CSMD1: variants seen among roughly 807,000 people sequenced by gnomAD.
The protein encoded by CSMD1 is CUB and sushi domain-containing protein 1.
In CSMD1, 213 loss-of-function variants were observed where a neutral mutation model predicts 417.5. The observed-to-expected ratio is 0.51, with a 90% CI of 0.46 to 0.57. The LOEUF (loss-of-function observed/expected upper bound fraction) is 0.57, where lower values mean the gene tolerates loss of function less well. CSMD1 is among the 20% of genes least tolerant of loss of function. The pLI is 0.00. For missense variants in CSMD1, 6,923 were observed against 4,529.7 expected, an observed-to-expected ratio of 1.53 and a Z score of -15.17; for synonymous variants, 2,862 against 1,736.8, an observed-to-expected ratio of 1.65 and a Z score of -16.11.
At chr8:3,254,186 A>T (rs1263669112) in intron 26 of CSMD1, among the ~76,000 whole-genome samples, 1 of 152,178 alleles carries the variant, frequency 6.6e-6, no homozygotes, top group African/African-American at 2.4e-5. Flanking sequence ...TTTCTTTAAG[A>T]ATGTGGAATA....
intron 1 of CSMD1, among the ~76,000 whole-genome samples, chr8:4,792,752 T>A (rs901005645): frequency 1.3e-5 from 2 of 152,146 alleles, no homozygotes; most frequent in South Asian, 2.1e-4. Context: ...CGATGCCCAT[T>A]ACTACGGGGT....
At chr8:4,030,905 A>G (rs1236257452) in intron 4 of CSMD1, among the ~76,000 whole-genome samples, 3 of 152,080 alleles carry the variant, frequency 2.0e-5, no homozygotes, top group African/African-American at 4.8e-5. Flanking sequence ...AAGTTCCACA[A>G]CTCTCTAGGG....
At chr8:4,852,783 T>C (rs1801555728) in intron 1 of CSMD1, among the ~76,000 whole-genome samples, 1 of 152,114 alleles carries the variant, frequency 6.6e-6, no homozygotes, top group Admixed American at 6.5e-5. Context: ...ATGGGCAGGC[T>C]GATGAGGTCT....
At chr8:3,257,176 G>T (rs913625262) in intron 26 of CSMD1, among the ~76,000 whole-genome samples, 7 of 152,066 alleles carry the variant, frequency 4.6e-5, no homozygotes, top group African/African-American at 1.4e-4. Flanking sequence ...ACAAAAATTT[G>T]CTGGGTTTGG....
At chr8:4,926,565 C>T (rs1227328035) in intron 1 of CSMD1, among the ~76,000 whole-genome samples, 1 of 151,944 alleles carries the variant, frequency 6.6e-6, no homozygotes, top group Non-Finnish European at 1.5e-5. Flanking sequence ...TGTGATATAG[C>T]CTTGGGGAAA....
rs139561747 is a variant in CSMD1 at position 3,448,758 on chromosome 8, G to C, written c.1561+19954C>G. Among the ~76,000 whole-genome samples, 540 of 152,266 alleles carry C rather than the reference G, an allele frequency of 3.5e-3. 2 individuals are homozygous for C. The highest frequency in any genetic ancestry group is 6.1e-3 in the Non-Finnish European group (412 of 68,026). On this transcript the variant is annotated intron_variant, in intron 12 of 69. Coordinates refer to ENST00000635120, the MANE Select transcript of CSMD1 (RefSeq NM_033225.6). Reference sequence around the variant, plus strand: ...ACACCACAGAGGGATGCATTACAGAGAAAAGCTTTAGACACTTCAGGCAAT... The same window carrying C: ...ACACCACAGAGGGATGCATTACAGACAAAAGCTTTAGACACTTCAGGCAAT...
chr8:3,883,526 C>G (rs1480175487), intron 5 of CSMD1, among the ~76,000 whole-genome samples: 4 of 152,192 alleles, frequency 2.6e-5, no homozygotes, highest in African/African-American at 9.6e-5. Context: ...AATCATGCGG[C>G]TTTATGTACT....
At chr8:4,173,874 T>A (rs993936579) in intron 3 of CSMD1, among the ~76,000 whole-genome samples, 1 of 152,156 alleles carries the variant, frequency 6.6e-6, no homozygotes, top group Non-Finnish European at 1.5e-5. Flanking sequence ...CTCTCCGGGT[T>A]TGAAGTGGCA....
At chr8:4,239,175 G>A (rs577308832) in intron 3 of CSMD1, among the ~76,000 whole-genome samples, 1 of 152,306 alleles carries the variant, frequency 6.6e-6, no homozygotes, top group East Asian at 1.9e-4. Context: ...AGAGTTGAAT[G>A]AACTATCTTC....
chr8:3,632,298 A>G (rs1014032517), intron 7 of CSMD1, among the ~76,000 whole-genome samples: 3 of 152,100 alleles, frequency 2.0e-5, no homozygotes, highest in African/African-American at 7.2e-5. Flanking sequence ...GCATTCTTCC[A>G]TCTCATAGGT....
intron 1 of CSMD1, among the ~76,000 whole-genome samples, chr8:4,676,187 C>T (rs907569359): frequency 6.6e-6 from 1 of 152,164 alleles, no homozygotes; most frequent in Non-Finnish European, 1.5e-5. Flanking sequence ...TAGACCCTGA[C>T]CTAGGCATTG....
intron 5 of CSMD1, among the ~76,000 whole-genome samples, chr8:3,935,241 A>G (rs1810404357): frequency 6.6e-6 from 1 of 152,316 alleles, no homozygotes; most frequent in East Asian, 1.9e-4. Context: ...CTTAAAATGT[A>G]GAAGAACAGA....
intron 49 of CSMD1, among the ~76,000 whole-genome samples, chr8:3,071,908 C>T (rs1442011695): frequency 6.6e-6 from 1 of 152,184 alleles, no homozygotes; most frequent in Non-Finnish European, 1.5e-5. Context: ...AACTCCTGTG[C>T]CCCTCAGTTG....
intron 47 of CSMD1, among the ~76,000 whole-genome samples, chr8:3,094,251 G>A (rs537121743): frequency 8.5e-5 from 13 of 152,116 alleles, no homozygotes; most frequent in East Asian, 7.8e-4. Flanking sequence ...GATTACAGGC[G>A]CCTGCCACCG....
chr8:4,309,653 G>C (rs1220022649), intron 3 of CSMD1, among the ~76,000 whole-genome samples: 1 of 152,074 alleles, frequency 6.6e-6, no homozygotes, highest in Non-Finnish European at 1.5e-5. Flanking sequence ...ACTGAAATTA[G>C]ACCGTATTTG....
intron 5 of CSMD1, among the ~76,000 whole-genome samples, chr8:3,823,534 A>G (rs746714744): frequency 9.8e-5 from 15 of 152,340 alleles, no homozygotes; most frequent in Admixed American, 2.0e-4. Context: ...ATAAAAATAA[A>G]GTATAACTTA....
rs138998261 is a variant in CSMD1 at position 4,376,003 on chromosome 8, G to A, written c.415+43950C>T. ...TCCCACTGTTTCTGAGAGCAGCCAA[G>A]GGATTGTCTATGGTGGAAAATGCCC... On this transcript the variant is annotated intron_variant, in intron 3 of 69. Coordinates refer to ENST00000635120, the MANE Select transcript of CSMD1 (RefSeq NM_033225.6). 1.1e-4 allele frequency among the ~76,000 whole-genome samples: 16 copies of A among 152,242 alleles called. No homozygotes were observed. The East Asian group carries it at 3.1e-3, about 29-fold the overall frequency.
At chr8:4,363,370 G>A (rs373815025) in intron 3 of CSMD1, among the ~76,000 whole-genome samples, 8 of 152,056 alleles carry the variant, frequency 5.3e-5, no homozygotes, top group Non-Finnish European at 7.3e-5. Flanking sequence ...ATGCATGTGC[G>A]TGCATGCTTT....
At chr8:4,158,417 T>C (rs758098046) in intron 3 of CSMD1, among the ~76,000 whole-genome samples, 12 of 151,846 alleles carry the variant, frequency 7.9e-5, no homozygotes, top group African/African-American at 1.9e-4. Flanking sequence ...CAAAAGGATA[T>C]TGCAAACAAA....
Sources: gnomAD v4.1 joint callset for allele counts (sites outside exome capture counted in the v4.1 genomes callset) on GRCh38, gnomAD v4.1.1 for gene constraint, MANE v1.5 for transcripts, NCBI Gene and HGNC (gene_info 2026-07-23, HGNC 2026-07-21) for gene names.